RBMS3: variants seen among roughly 807,000 people sequenced by gnomAD.
The protein encoded by RBMS3 is RNA-binding motif, single-stranded-interacting protein 3.
Under a neutral mutation model 66.8 loss-of-function variants are expected in RBMS3, and 27 were observed. The observed-to-expected ratio is 0.40, with a 90% confidence interval of 0.30 to 0.56. RBMS3 has a LOEUF of 0.56. Among genes scored for constraint, RBMS3 ranks in the 20% least tolerant of loss-of-function variants. The pLI, the probability that RBMS3 is intolerant of heterozygous loss-of-function variation, is 0.40. For missense variants in RBMS3, 513 were observed against 549.5 expected (o/e 0.93, Z 0.66); for synonymous variants, 188 against 183.0 (o/e 1.03, Z -0.22).
intron 10 of RBMS3, among the ~76,000 whole-genome samples, chr3:29,904,048 T>C (rs1300665887): frequency 6.6e-6 from 1 of 151,948 alleles, no homozygotes; most frequent in African/African-American, 2.4e-5. Context: ...TTCAATTTTG[T>C]AGGTGTGTGT....
At chr3:29,651,429 T>C (rs1046256482) in intron 4 of RBMS3, among the ~76,000 whole-genome samples, 4 of 152,202 alleles carry the variant, frequency 2.6e-5, no homozygotes, top group Non-Finnish European at 5.9e-5. Context: ...TTTGACATAA[T>C]GGAAGAAAAC....
At chr3:29,988,896 GACACTGGACTAAT>G in intron 13 of RBMS3, among the ~76,000 whole-genome samples, 1 of 152,298 alleles carries the variant, frequency 6.6e-6, no homozygotes, top group South Asian at 2.1e-4. Flanking sequence ...AAATTTGAGA[GACACTGGACTAAT>G]GCACTGGTTC....
intron 3 of RBMS3, among the ~76,000 whole-genome samples, chr3:29,586,085 T>C (rs879909793): frequency 6.6e-6 from 1 of 152,106 alleles, no homozygotes; most frequent in Non-Finnish European, 1.5e-5. Context: ...ACCTCAAAAC[T>C]TCTAAATGAG....
At chr3:29,457,133 G>A (rs1048156927) in intron 2 of RBMS3, among the ~76,000 whole-genome samples, 5 of 152,160 alleles carry the variant, frequency 3.3e-5, no homozygotes, top group African/African-American at 1.2e-4. Flanking sequence ...ACTCAAATCA[G>A]TAATCTGGCA....
At chr3:29,724,602 A>G (rs1368745800) in intron 4 of RBMS3, among the ~76,000 whole-genome samples, 3 of 152,202 alleles carry the variant, frequency 2.0e-5, no homozygotes, top group Non-Finnish European at 2.9e-5. Flanking sequence ...TTAAAATGGA[A>G]GTATATAGTT....
At chr3:29,486,722 A>G (rs780644365) in intron 2 of RBMS3, among the ~76,000 whole-genome samples, 3 of 152,154 alleles carry the variant, frequency 2.0e-5, no homozygotes, top group Non-Finnish European at 4.4e-5. Flanking sequence ...GCCATTGACT[A>G]TTGTTAACAG....
chr3:29,691,945 C>CTTTTTTT (rs1319442235), intron 4 of RBMS3, among the ~76,000 whole-genome samples: 13 of 55,736 alleles, frequency 2.3e-4, no homozygotes, highest in East Asian at 5.1e-4. Context: ...CTCTCTCTCT[C>CTTTTTTT]TCTATTTTTT....
chr3:29,468,637 C>T (rs532985951), intron 2 of RBMS3, among the ~76,000 whole-genome samples: 1 of 152,054 alleles, frequency 6.6e-6, no homozygotes. Flanking sequence ...TTTATTTGTA[C>T]TGTTAAATAT....
chr3:29,506,287 A>G (rs1225580038), intron 3 of RBMS3, among the ~76,000 whole-genome samples: 1 of 151,918 alleles, frequency 6.6e-6, no homozygotes. Context: ...TTTATCATGA[A>G]AGGGGATTGG....
At chr3:29,304,825 G>A (rs2033904544) in intron 1 of RBMS3, among the ~76,000 whole-genome samples, 2 of 151,892 alleles carry the variant, frequency 1.3e-5, no homozygotes, top group African/African-American at 4.8e-5. Context: ...CCTCCTGAAT[G>A]CAATCTAGTC....
intron 12 of RBMS3, among the ~76,000 whole-genome samples, chr3:29,959,033 A>G (rs933488154): frequency 6.6e-6 from 1 of 152,188 alleles, no homozygotes; most frequent in Admixed American, 6.5e-5. Flanking sequence ...CGACTGCTCA[A>G]TAGAAGTACC....
intron 12 of RBMS3, among the ~76,000 whole-genome samples, chr3:29,948,228 G>A (rs1236868752): frequency 1.3e-5 from 2 of 151,734 alleles, no homozygotes; most frequent in Admixed American, 6.6e-5. Context: ...TACGAATAAA[G>A]TTCTTCATTG....
chr3:29,581,465 T>C (rs1462194892), intron 3 of RBMS3, among the ~76,000 whole-genome samples: 1 of 152,144 alleles, frequency 6.6e-6, no homozygotes, highest in Admixed American at 6.5e-5. Context: ...CCTCTCTCCC[T>C]GCAACTCAGT....
chr3:29,521,370 T>C (rs962524834), intron 3 of RBMS3, among the ~76,000 whole-genome samples: 14 of 152,182 alleles, frequency 9.2e-5, no homozygotes, highest in African/African-American at 3.4e-4. Context: ...TCTTTCCCAT[T>C]TTGAAAAGCA....
chr3:29,306,163 TA>T (rs2125455811), intron 1 of RBMS3, among the ~76,000 whole-genome samples: 1 of 152,102 alleles, frequency 6.6e-6, no homozygotes, highest in African/African-American at 2.4e-5. Flanking sequence ...CTTGTTTTCA[TA>T]ATTGCATACC....
rs71091081 is a variant in RBMS3, at chr3:29,853,423, C to CTTTTTTTT, written c.638-15420_638-15413dup. Among the ~76,000 whole-genome samples the CTTTTTTTT allele has an allele frequency of 5.1e-3, 433 of 84,500 alleles. 53 individuals are homozygous for CTTTTTTTT. The highest frequency in any genetic ancestry group is 0.02 in the South Asian group (39 of 1,970). 55.4% of individuals were successfully genotyped at this position (84,500 alleles called of 152,430 possible). Reference sequence around the variant, plus strand: ...TGTATCTTAAGCTACAATTTACTTTCTTTTTTTTTTTTTTTTTTTTTTGCA... The same window carrying CTTTTTTTT: ...TGTATCTTAAGCTACAATTTACTTTCTTTTTTTTTTTTTTTTTTTTTTTTTTTTTTGCA... On this transcript the variant is annotated intron_variant, in intron 6 of 14. Coordinates refer to ENST00000383767, the MANE Select transcript of RBMS3 (RefSeq NM_001003793.3).
chr3:29,370,500 T>C (rs908030972), intron 1 of RBMS3, among the ~76,000 whole-genome samples: 2 of 152,206 alleles, frequency 1.3e-5, no homozygotes, highest in African/African-American at 2.4e-5. Context: ...GTATTTGGCT[T>C]TTAAGGCATA....
rs1021596596 is a variant in RBMS3 at position 29,363,737 on chromosome 3, C to T, written c.76-71006C>T. On this transcript the variant is annotated intron_variant, in intron 1 of 14. Transcript: ENST00000383767. ...CCCAGGAGGCGGAGGTTGTGGTGAG[C>T]TGAAATTGCGCCACTGCCCTCTAGC... is the stretch of plus-strand genomic sequence containing the variant. 2.0e-5 allele frequency among the ~76,000 whole-genome samples: 3 copies of T among 151,028 alleles called. No homozygotes were observed. The East Asian group carries it at 5.8e-4, about 29-fold the overall frequency.
chr3:29,994,393 A>G (rs1183130840), intron 14 of RBMS3, among the ~76,000 whole-genome samples: 1 of 152,260 alleles, frequency 6.6e-6, no homozygotes. Flanking sequence ...AGGTAAACAA[A>G]GCATCCCGGA....
Sources: allele counts gnomAD v4.1 joint callset (sites outside exome capture counted in the v4.1 genomes callset), GRCh38; gene constraint gnomAD v4.1.1; transcripts MANE v1.5; gene names NCBI Gene and HGNC (gene_info 2026-07-23, HGNC 2026-07-21).